The following SLCO1B3 variants were observed in gnomAD, a reference collection of about 807,000 sequenced individuals.
The protein encoded by SLCO1B3 is solute carrier organic anion transporter family member 1B3, also known as liver-specific organic anion transporter 2.
SLCO1B3 carries 72 observed loss-of-function variants against 71.8 expected under a neutral mutation model. The ratio of observed to expected loss-of-function variants is 1.00; its 90% CI spans 0.83 to 1.22. The LOEUF is 1.22. Ranked by LOEUF, SLCO1B3 falls within the 50% of genes most tolerant of loss-of-function variation. The pLI is 0.00. For missense variants in SLCO1B3, 911 were observed against 819.7 expected, an observed-to-expected ratio of 1.11 and a Z score of -1.36; for synonymous variants, 298 against 278.4, an observed-to-expected ratio of 1.07 and a Z score of -0.70.
chr12:20,880,866 T>C lies in SLCO1B3; in HGVS notation c.1343T>C (p.Val448Ala). ...LTLTYDGNNS[V>A]ASHVDVPLSY... ...TCATATATTTTCAGAAATAATTCAG[T>C]GGCATCTCATGTAGATGTACCACTT... The change falls in exon 12 of 16, where the codon GTG becomes GCG. Residue 448 changes from valine (V) to alanine (A), a missense_variant. Coordinates refer to ENST00000381545, the MANE Select transcript of SLCO1B3 (RefSeq NM_019844.4). 1 of 1,591,510 alleles carries C rather than the reference T, an allele frequency of 6.3e-7. No individual in the cohort carries two copies. Among genetic ancestry groups the C allele is most frequent in the Non-Finnish European group, 8.6e-7 (1 of 1,166,794 alleles).
chr12:20,832,793 G>C (rs986222587), intron 3 of SLCO1B3, among the ~76,000 whole-genome samples: 2 of 152,092 alleles, frequency 1.3e-5, no homozygotes, highest in African/African-American at 4.8e-5. Flanking sequence ...CTTTACTCCT[G>C]AACACCCCAT....
At chr12:20,879,050 A>C (rs1415001247) in intron 10 of SLCO1B3, among the ~76,000 whole-genome samples, 2 of 152,054 alleles carry the variant, frequency 1.3e-5, no homozygotes, top group African/African-American at 4.8e-5. Flanking sequence ...AAAGCTCCTC[A>C]TAGAAATAAC....
chr12:20,913,507 T>C (rs1194735278), intron 15 of SLCO1B3, among the ~76,000 whole-genome samples: 1 of 152,202 alleles, frequency 6.6e-6, no homozygotes, highest in Non-Finnish European at 1.5e-5. Context: ...TGTAAAAGGA[T>C]AATAGGATAA....
Position 20,879,480 on chromosome 12 carries a change from G to A in SLCO1B3, c.1180G>A (p.Gly394Arg). 2 of 1,610,500 alleles carry A rather than the reference G, an allele frequency of 1.2e-6. No homozygotes were observed. Among genetic ancestry groups the A allele is most frequent in the Non-Finnish European group, 1.7e-6 (2 of 1,177,516 alleles). Residue 394 changes from glycine (G) to arginine (R), a missense_variant, in exon 11 of 16, where the codon GGA (glycine) becomes AGA (arginine). Physicochemically the swap from Gly to Arg is moderately radical, Grantham distance 125. Transcript: ENST00000381545. ...PTVATGMFLG[G>R]FIIKKFKLSL... ...GGTTGCAACTGGAATGTTTTTAGGA[G>A]GATTTATCATTAAAAAATTCAAATT...
chr12:20,814,976 C>CTTTTTTT (rs1297703814), intron 2 of SLCO1B3, among the ~76,000 whole-genome samples: 6 of 117,108 alleles, frequency 5.1e-5, no homozygotes, highest in East Asian at 2.5e-4. Flanking sequence ...CTTTTCTTTT[C>CTTTTTTT]TTTTCTTTTT....
At position 20,883,673 on chromosome 12, in the gene SLCO1B3, C is replaced by T. The variant is rs1865739469; in HGVS notation, c.1682+71C>T. 5 of 1,007,656 alleles carry T rather than the reference C, an allele frequency of 5.0e-6. No individual in the cohort carries two copies. In the African/African-American group the frequency reaches 6.9e-5, roughly 14 times the overall value. 62.4% of individuals were successfully genotyped at this position (1,007,656 alleles called of 1,614,324 possible). ...CACACCTAATGATAGGCATATTTTTCTGTATTTTGAGCTCAAATTCATATT... is the reference window on the plus strand; with the variant it reads ...CACACCTAATGATAGGCATATTTTTTTGTATTTTGAGCTCAAATTCATATT... On this transcript the variant is annotated intron_variant, in intron 13 of 15. Transcript: ENST00000381545.
chr12:20,846,883 TAG>T (rs372941759), intron 3 of SLCO1B3, among the ~76,000 whole-genome samples: 1 of 152,116 alleles, frequency 6.6e-6, no homozygotes, highest in African/African-American at 2.4e-5. Context: ...TGCAGGTAGA[TAG>T]AGACTTTACC....
At chr12:20,877,522 G>A (rs551517266) in intron 9 of SLCO1B3, among the ~76,000 whole-genome samples, 1 of 152,016 alleles carries the variant, frequency 6.6e-6, no homozygotes, top group Admixed American at 6.6e-5. Flanking sequence ...ATTTTTTAAT[G>A]GATCAACATT....
chr12:20,833,744 A>G (rs1483305755), intron 3 of SLCO1B3, among the ~76,000 whole-genome samples: 1 of 147,680 alleles, frequency 6.8e-6, no homozygotes, highest in Non-Finnish European at 1.5e-5. Flanking sequence ...TAATTTATTT[A>G]TGTAATATGT....
chr12:20,845,053 A>G, intron 3 of SLCO1B3: 1 of 304,790 alleles, frequency 3.3e-6, no homozygotes, highest in Non-Finnish European at 6.4e-6. Flanking sequence ...AAAAAGCACC[A>G]GTTCTATCCC....
At chr12:20,882,267 A>C (rs543402463) in intron 12 of SLCO1B3, among the ~76,000 whole-genome samples, 2 of 152,290 alleles carry the variant, frequency 1.3e-5, no homozygotes, top group Admixed American at 1.3e-4. Flanking sequence ...AAATTGTTAA[A>C]ATAATGCTCT....
intron 5 of SLCO1B3, among the ~76,000 whole-genome samples, chr12:20,859,854 A>G (rs1865218800): frequency 6.6e-6 from 1 of 151,882 alleles, no homozygotes; most frequent in Non-Finnish European, 1.5e-5. Context: ...TTTGTCTACC[A>G]ATTTGAATTC....
chr12:20,839,923 C>A (rs75540303), intron 3 of SLCO1B3, among the ~76,000 whole-genome samples: 8,558 of 152,140 alleles, frequency 0.056, 310 homozygotes, highest in East Asian at 0.17. Context: ...AGCCTTTTCT[C>A]AGGTATGCCA....
At chr12:20,831,144 G>T (rs574351346) in intron 3 of SLCO1B3, among the ~76,000 whole-genome samples, 11 of 152,160 alleles carry the variant, frequency 7.2e-5, no homozygotes, top group Admixed American at 4.6e-4. Flanking sequence ...AGATCACGAG[G>T]TTAGGAGTTC....
At chr12:20,813,238 GAATC>G (rs1423332932) in intron 1 of SLCO1B3, among the ~76,000 whole-genome samples, 8 of 152,078 alleles carry the variant, frequency 5.3e-5, no homozygotes, top group East Asian at 1.9e-4. Context: ...ATAATATAGA[GAATC>G]AATAAATCCT....
At chr12:20,836,759 A>G (rs532371831) in intron 3 of SLCO1B3, among the ~76,000 whole-genome samples, 1 of 152,148 alleles carries the variant, frequency 6.6e-6, no homozygotes, top group Non-Finnish European at 1.5e-5. Context: ...CTCCTGCCTC[A>G]GCCTCCTGAG....
At chr12:20,823,252 A>G (rs1225785838) in intron 3 of SLCO1B3, among the ~76,000 whole-genome samples, 1 of 152,162 alleles carries the variant, frequency 6.6e-6, no homozygotes, top group Non-Finnish European at 1.5e-5. Context: ...TTGCATCCCC[A>G]TGGCTTAAGA....
intron 15 of SLCO1B3, among the ~76,000 whole-genome samples, chr12:20,907,532 G>A (rs1327565987): frequency 1.4e-3 from 153 of 109,806 alleles, no homozygotes; most frequent in African/African-American, 4.5e-3. Flanking sequence ...TTTTTGAGAC[G>A]CAGCCCCACT....
intron 3 of SLCO1B3, 121 bp downstream of exon 3, chr12:20,815,943 T>C (rs1864185192): frequency 2.0e-6 from 1 of 496,938 alleles, no homozygotes; most frequent in Non-Finnish European, 3.5e-6. Context: ...CATTGAAGCG[T>C]ACATTAAAAT....
Sources: gnomAD v4.1 joint callset for allele counts (sites outside exome capture counted in the v4.1 genomes callset) on GRCh38, gnomAD v4.1.1 for gene constraint, MANE v1.5 for transcripts, NCBI Gene and HGNC (gene_info 2026-07-23, HGNC 2026-07-21) for gene names.